Variants in KCNJ16 observed in about 807,000 individuals in gnomAD.
KCNJ16 encodes inward rectifier potassium channel 16.
KCNJ16 carries 15 observed loss-of-function variants against 18.5 expected under a neutral mutation model. The ratio of observed to expected loss-of-function variants is 0.81; its 90% CI spans 0.54 to 1.25. KCNJ16 has a LOEUF of 1.25. Ranked by LOEUF, KCNJ16 falls within the 50% of genes most tolerant of loss-of-function variation. KCNJ16 has a pLI of 0.00. For synonymous variants in KCNJ16, 174 were observed against 186.5 expected, an observed-to-expected ratio of 0.93 and a Z score of 0.55; for missense variants, 523 against 525.7, an observed-to-expected ratio of 0.99 and a Z score of 0.05.
chr17:70,127,468 G>A (rs974630544), intron 2 of KCNJ16, among the ~76,000 whole-genome samples: 1 of 147,796 alleles, frequency 6.8e-6, no homozygotes, highest in Non-Finnish European at 1.5e-5. Context: ...ACAGGTTTTT[G>A]AGCAAAATAG....
At chr17:70,092,566 T>TAGATAG (rs371161073) in intron 1 of KCNJ16, among the ~76,000 whole-genome samples, 3 of 102,600 alleles carry the variant, frequency 2.9e-5, no homozygotes, top group Non-Finnish European at 4.2e-5. Flanking sequence ...AGATGATAGA[T>TAGATAG]ATAGATAGAT....
intron 2 of KCNJ16, among the ~76,000 whole-genome samples, chr17:70,106,879 G>A (rs778167389): frequency 4.5e-4 from 68 of 152,276 alleles, no homozygotes; most frequent in Admixed American, 2.6e-3. Flanking sequence ...TAGTTTAACA[G>A]AGACGAATAA....
At chr17:70,122,034 G>C (rs1000967495) in intron 2 of KCNJ16, among the ~76,000 whole-genome samples, 1 of 152,154 alleles carries the variant, frequency 6.6e-6, no homozygotes, top group Non-Finnish European at 1.5e-5. Context: ...TTGTTGCCAT[G>C]GCCTACTGAA....
At chr17:70,121,944 G>A (rs2144147632) in intron 2 of KCNJ16, among the ~76,000 whole-genome samples, 1 of 152,140 alleles carries the variant, frequency 6.6e-6, no homozygotes, top group Non-Finnish European at 1.5e-5. Flanking sequence ...GGGCAACAGA[G>A]CAAGACTCTG....
chr17:70,093,986 A>C lies in KCNJ16; in HGVS notation c.-299-6672A>C, dbSNP rs530996848. On this transcript the variant is annotated intron_variant, in intron 1 of 3. Transcript: ENST00000392671. ...CAAATAAAAAGGGCAAATAAGGGGA[A>C]TAATTAATGATGGATTAGGAAAGGT... 2.6e-5 allele frequency among the ~76,000 whole-genome samples: 4 copies of C among 152,290 alleles called. 1 individual carries two copies. In the South Asian group the frequency reaches 8.3e-4, roughly 32 times the overall value.
At chr17:70,131,194 CAAA>C (rs36047658) in intron 3 of KCNJ16, among the ~76,000 whole-genome samples, 4 of 85,776 alleles carry the variant, frequency 4.7e-5, no homozygotes, top group Non-Finnish European at 1.1e-4. Flanking sequence ...CTGCCAGTGT[CAAA>C]AAAAAAAAAA....
In KCNJ16 at chr17:70,103,286, A is replaced by ATG. The variant is rs1555589099; in HGVS notation, c.-191+2530_-191+2531dup. Among the ~76,000 whole-genome samples, 421 of 103,808 alleles carry ATG rather than the reference A, an allele frequency of 4.1e-3. 19 individuals are homozygous for ATG. The South Asian group carries it at 0.09, about 22-fold the overall frequency. The allele number at this position is 103,808 out of a possible 152,430, so 68.1% of individuals were successfully genotyped here. ...GTATATGTGTATATAATATGCATAT[A>ATG]TGTGTGTGTGTATATATATATATAT... On this transcript the variant is annotated intron_variant, in intron 2 of 3. Transcript: ENST00000392671.
rs1035962160 is a variant in KCNJ16 at position 70,133,900 on chromosome 17, G to A, written c.*556G>A. The A allele has an allele frequency of 1.8e-5, 3 of 167,400 alleles. No individual in the cohort carries two copies. The highest frequency in any genetic ancestry group is 2.9e-5 in the Non-Finnish European group (2 of 68,378). 10.4% of individuals were successfully genotyped at this position (167,400 alleles called of 1,614,324 possible). On this transcript the variant is annotated 3_prime_UTR_variant, in exon 4 of 4. Transcript: ENST00000392671. ...GACCGTCTTGGTTTCAGCGAGCATA[G>A]CGAGTGGCTGTAAGAAATTGTCCAT...
chr17:70,089,360 T>A (rs893121447), intron 1 of KCNJ16, among the ~76,000 whole-genome samples: 1 of 152,166 alleles, frequency 6.6e-6, no homozygotes, highest in African/African-American at 2.4e-5. Flanking sequence ...AATTTAAGAG[T>A]CTTGCATAAT....
At chr17:70,111,183 C>A (rs1355654994) in intron 2 of KCNJ16, among the ~76,000 whole-genome samples, 1 of 152,124 alleles carries the variant, frequency 6.6e-6, no homozygotes, top group Non-Finnish European at 1.5e-5. Flanking sequence ...CCACTCACAC[C>A]AGTTACAGAG....
chr17:70,089,125 A>C (rs1376001856), intron 1 of KCNJ16, among the ~76,000 whole-genome samples: 2 of 152,186 alleles, frequency 1.3e-5, no homozygotes, highest in Non-Finnish European at 2.9e-5. Flanking sequence ...AGGCAAATCA[A>C]GCCAATTTCT....
At chr17:70,131,195 A>C (rs1379077177) in intron 3 of KCNJ16, among the ~76,000 whole-genome samples, 1 of 82,030 alleles carries the variant, frequency 1.2e-5, no homozygotes, top group East Asian at 5.4e-4. Flanking sequence ...TGCCAGTGTC[A>C]AAAAAAAAAA....
intron 1 of KCNJ16, among the ~76,000 whole-genome samples, chr17:70,092,547 GAT>G (rs35732498): frequency 8.6e-5 from 7 of 81,836 alleles, no homozygotes; most frequent in South Asian, 4.3e-4. Flanking sequence ...GATATAGATA[GAT>G]ATAGATAGAT....
At chr17:70,122,646 A>G (rs1003414948) in intron 2 of KCNJ16, among the ~76,000 whole-genome samples, 1 of 152,208 alleles carries the variant, frequency 6.6e-6, no homozygotes, top group African/African-American at 2.4e-5. Context: ...ATCTGATTTG[A>G]GCAGAAACAA....
chr17:70,113,070 T>C (rs2073255148), intron 2 of KCNJ16, among the ~76,000 whole-genome samples: 1 of 152,226 alleles, frequency 6.6e-6, no homozygotes, highest in Non-Finnish European at 1.5e-5. Context: ...AAATCAGTTT[T>C]AATGGGGCAT....
chr17:70,099,851 A>G (rs2072545793), intron 1 of KCNJ16, among the ~76,000 whole-genome samples: 1 of 152,204 alleles, frequency 6.6e-6, no homozygotes, highest in African/African-American at 2.4e-5. Flanking sequence ...CTAATTTGAG[A>G]GGAACTACAT....
intron 1 of KCNJ16, among the ~76,000 whole-genome samples, chr17:70,092,709 A>G (rs1230142921): frequency 1.3e-5 from 2 of 152,196 alleles, no homozygotes; most frequent in African/African-American, 4.8e-5. Context: ...CTGTGCTGAA[A>G]TTCAGTCTGA....
At chr17:70,125,086 C>T (rs551033809) in intron 2 of KCNJ16, among the ~76,000 whole-genome samples, 10 of 151,902 alleles carry the variant, frequency 6.6e-5, no homozygotes, top group South Asian at 2.1e-4. Context: ...GGCAACACAG[C>T]GGGACCCTAT....
intron 2 of KCNJ16, among the ~76,000 whole-genome samples, chr17:70,127,039 T>C (rs185763568): frequency 2.0e-5 from 3 of 152,310 alleles, no homozygotes; most frequent in Admixed American, 2.0e-4. Context: ...CATAACATAT[T>C]ATAACCCCTT....
Sources: allele counts gnomAD v4.1 joint callset (sites outside exome capture counted in the v4.1 genomes callset), GRCh38; gene constraint gnomAD v4.1.1; transcripts MANE v1.5; gene names NCBI Gene and HGNC (gene_info 2026-07-23, HGNC 2026-07-21).